CNTNAP5: variants seen among roughly 807,000 people sequenced by gnomAD.
CNTNAP5 encodes contactin associated protein family member 5.
In CNTNAP5, 72 loss-of-function variants were observed where a neutral mutation model predicts 150.2. That is an observed-to-expected ratio of 0.48 (90% CI 0.40 to 0.58). The LOEUF is 0.58. Ranked by LOEUF, CNTNAP5 falls within the 20% of genes least tolerant of loss-of-function variation. The probability of loss-of-function intolerance (pLI) is 0.00; values close to 1 mark genes in which losing one functional copy is unlikely to be tolerated. For synonymous variants in CNTNAP5, 672 were observed against 619.8 expected (o/e 1.08, Z -1.25); for missense variants, 1,636 against 1,626.2 (o/e 1.01, Z -0.10).
intron 21 of CNTNAP5, among the ~76,000 whole-genome samples, chr2:124,881,469 C>T (rs1429240045): frequency 6.6e-6 from 1 of 152,028 alleles, no homozygotes; most frequent in African/African-American, 2.4e-5. Flanking sequence ...TGGCCTGAGC[C>T]CGAGTTTACT....
intron 6 of CNTNAP5, among the ~76,000 whole-genome samples, chr2:124,459,173 A>G (rs923731794): frequency 6.6e-6 from 1 of 152,226 alleles, no homozygotes; most frequent in Non-Finnish European, 1.5e-5. Flanking sequence ...TCAGCCCTGC[A>G]TGGGAACAGC....
intron 5 of CNTNAP5, among the ~76,000 whole-genome samples, 194 bp from the exon 6 acceptor site, chr2:124,446,559 A>G (rs1379592688): frequency 6.6e-6 from 1 of 152,150 alleles, no homozygotes; most frequent in Non-Finnish European, 1.5e-5. Flanking sequence ...GGAGGTATGC[A>G]TATTGAACTT....
chr2:124,552,699 A>G (rs1413203587), intron 10 of CNTNAP5, among the ~76,000 whole-genome samples: 1 of 152,238 alleles, frequency 6.6e-6, no homozygotes, highest in Admixed American at 6.5e-5. Context: ...GCACACATGC[A>G]TATATACAAA....
intron 7 of CNTNAP5, among the ~76,000 whole-genome samples, chr2:124,493,122 C>T (rs1033585140): frequency 7.9e-5 from 12 of 151,898 alleles, no homozygotes; most frequent in Non-Finnish European, 7.4e-5. Flanking sequence ...CTTATATAGC[C>T]TTTACTATGT....
In CNTNAP5 at chr2:124,360,447, C is replaced by T. The variant is rs1224391096; in HGVS notation, c.382-56996C>T. ...GGCTTGATTTTGCAGCGGCTGGTAC[C>T]GGTTGTTCCTTTCCATGTTTAGCAC... On this transcript the variant is annotated intron_variant, in intron 3 of 23. Coordinates refer to ENST00000682447, the MANE Select transcript of CNTNAP5 (RefSeq NM_001367498.1). Among the ~76,000 whole-genome samples the T allele has an allele frequency of 3.7e-4, 54 of 145,778 alleles. 1 individual carries two copies. The highest frequency in any genetic ancestry group is 2.1e-3 in the Admixed American group (30 of 14,338).
intron 3 of CNTNAP5, among the ~76,000 whole-genome samples, chr2:124,263,233 C>T (rs1383262743): frequency 6.6e-6 from 1 of 152,170 alleles, no homozygotes. Context: ...CACTGTCTTC[C>T]ACAATGGTTG....
chr2:124,431,508 G>GATATATATAT lies in CNTNAP5; in HGVS notation c.530-2964_530-2955dup, dbSNP rs201654852. Among the ~76,000 whole-genome samples the GATATATATAT allele has an allele frequency of 3.5e-3, 401 of 114,058 alleles. 4 individuals carry two copies. The highest frequency in any genetic ancestry group is 0.02 in the East Asian group (75 of 3,832). 74.8% of individuals were successfully genotyped at this position (114,058 alleles called of 152,430 possible). A position where few individuals can be genotyped will look rare whatever the true frequency, so the allele number is the denominator to read the frequency against. On this transcript the variant is annotated intron_variant, in intron 4 of 23. Transcript: ENST00000682447. ...ATTGCTTGGACAAAAAAGTGTCAAAGATATATATATATATATATATAAAAT... is the reference window on the plus strand; with the variant it reads ...ATTGCTTGGACAAAAAAGTGTCAAAGATATATATATATATATATATATATATATATAAAAT...
At chr2:124,253,949 C>T (rs1687247055) in intron 3 of CNTNAP5, among the ~76,000 whole-genome samples, 1 of 151,814 alleles carries the variant, frequency 6.6e-6, no homozygotes, top group Non-Finnish European at 1.5e-5. Flanking sequence ...TAACATTCTC[C>T]TTTATGAACG....
chr2:124,217,037 C>A (rs1279578316), intron 1 of CNTNAP5, among the ~76,000 whole-genome samples: 2 of 152,058 alleles, frequency 1.3e-5, no homozygotes, highest in Non-Finnish European at 1.5e-5. Flanking sequence ...CAGAGTTTTG[C>A]TATAACTCTT....
At chr2:124,877,832 A>G (rs181064650) in intron 21 of CNTNAP5, among the ~76,000 whole-genome samples, 1 of 152,278 alleles carries the variant, frequency 6.6e-6, no homozygotes, top group African/African-American at 2.4e-5. Flanking sequence ...CAATAGTATC[A>G]TAAAACTAGT....
At chr2:124,842,314 AC>A (rs1414441239) in intron 19 of CNTNAP5, among the ~76,000 whole-genome samples, 6 of 152,156 alleles carry the variant, frequency 3.9e-5, no homozygotes, top group African/African-American at 1.4e-4. Context: ...TGTGGAGTGT[AC>A]CTTTTATACA....
intron 13 of CNTNAP5, among the ~76,000 whole-genome samples, chr2:124,717,007 G>T (rs1037219782): frequency 1.3e-5 from 2 of 152,078 alleles, no homozygotes; most frequent in African/African-American, 4.8e-5. Context: ...TTATCCTCTT[G>T]AATATCATTC....
intron 19 of CNTNAP5, among the ~76,000 whole-genome samples, chr2:124,815,497 C>T (rs193117604): frequency 2.1e-4 from 32 of 152,268 alleles, no homozygotes; most frequent in African/African-American, 7.2e-4. Flanking sequence ...AATGGGCTAT[C>T]GGAAACTTAT....
intron 13 of CNTNAP5, among the ~76,000 whole-genome samples, chr2:124,704,857 G>A (rs1039844813): frequency 3.3e-5 from 5 of 151,888 alleles, no homozygotes; most frequent in African/African-American, 1.2e-4. Flanking sequence ...GCCAGCTGAT[G>A]CCACTGCCTT....
At chr2:124,569,920 TTAAC>T (rs1696113850) in intron 11 of CNTNAP5, among the ~76,000 whole-genome samples, 1 of 152,232 alleles carries the variant, frequency 6.6e-6, no homozygotes, top group Admixed American at 6.5e-5. Context: ...TGTAGTTATG[TTAAC>T]TAACTACTGA....
chr2:124,355,770 A>C (rs992696643), intron 3 of CNTNAP5, among the ~76,000 whole-genome samples: 1 of 152,180 alleles, frequency 6.6e-6, no homozygotes, highest in Non-Finnish European at 1.5e-5. Context: ...TAAACATAGA[A>C]AGGAAAGTTG....
At chr2:124,703,614 G>C (rs1160445328) in intron 13 of CNTNAP5, among the ~76,000 whole-genome samples, 2 of 152,066 alleles carry the variant, frequency 1.3e-5, no homozygotes, top group African/African-American at 4.8e-5. Context: ...TTGTGCGATG[G>C]CTAGTTTGAA....
intron 21 of CNTNAP5, among the ~76,000 whole-genome samples, chr2:124,891,193 A>T (rs999357691): frequency 1.3e-5 from 2 of 152,038 alleles, no homozygotes; most frequent in Non-Finnish European, 2.9e-5. Context: ...TGGCTGGGAT[A>T]GTCTGGAGGA....
At chr2:124,433,522 A>G (rs931306569) in intron 4 of CNTNAP5, among the ~76,000 whole-genome samples, 1 of 152,164 alleles carries the variant, frequency 6.6e-6, no homozygotes, top group Non-Finnish European at 1.5e-5. Context: ...TAATACAAAA[A>G]TTGAGTTTTC....
Sources: allele counts gnomAD v4.1 joint callset (sites outside exome capture counted in the v4.1 genomes callset), GRCh38; gene constraint gnomAD v4.1.1; transcripts MANE v1.5; gene names NCBI Gene and HGNC (gene_info 2026-07-23, HGNC 2026-07-21).